CALN1: variants seen among roughly 807,000 people sequenced by gnomAD.
The protein encoded by CALN1 is calcium-binding protein 8.
CALN1 carries 17 observed loss-of-function variants against 30.6 expected under a neutral mutation model. The ratio of observed to expected loss-of-function variants is 0.56; its 90% CI spans 0.38 to 0.83. The LOEUF (loss-of-function observed/expected upper bound fraction) is 0.83. Ranked by LOEUF, CALN1 falls within the 40% of genes least tolerant of loss-of-function variation. The pLI is 0.00. For missense variants in CALN1, 291 were observed against 354.9 expected (o/e 0.82, Z 1.45); for synonymous variants, 156 against 131.4 (o/e 1.19, Z -1.28).
At chr7:71,980,103 C>G (rs575567976) in intron 5 of CALN1, among the ~76,000 whole-genome samples, 9 of 150,482 alleles carry the variant, frequency 6.0e-5, no homozygotes, top group Non-Finnish European at 8.9e-5. Flanking sequence ...GTCTCAAACT[C>G]TTGACCTCAG....
chr7:72,238,945 C>G (rs372357222), intron 3 of CALN1, among the ~76,000 whole-genome samples: 1 of 152,298 alleles, frequency 6.6e-6, no homozygotes, highest in Admixed American at 6.5e-5. Flanking sequence ...TCAGACATCC[C>G]CCACTAATGT....
chr7:71,871,229 A>T (rs926313756), intron 5 of CALN1, among the ~76,000 whole-genome samples: 1 of 152,182 alleles, frequency 6.6e-6, no homozygotes, highest in Non-Finnish European at 1.5e-5. Flanking sequence ...AACATAAATT[A>T]TACAGGATAC....
At chr7:72,502,261 C>T in the CALN1 span, among the ~76,000 whole-genome samples, 1 of 149,990 alleles carries the variant, frequency 6.7e-6, no homozygotes, top group Admixed American at 6.7e-5. Context: ...CATTTAAATA[C>T]AGTGACAATA....
chr7:72,231,115 C>CG (rs1432118473), intron 3 of CALN1, among the ~76,000 whole-genome samples: 2 of 151,900 alleles, frequency 1.3e-5, no homozygotes, highest in African/African-American at 4.8e-5. Flanking sequence ...TTGCAGTACA[C>CG]GCTTTTTTTT....
chr7:72,235,312 T>C (rs1366797551), intron 3 of CALN1, among the ~76,000 whole-genome samples: 1 of 151,492 alleles, frequency 6.6e-6, no homozygotes, highest in Non-Finnish European at 1.5e-5. Flanking sequence ...GAAAAATAAA[T>C]AATTTTCCAA....
At chr7:72,209,747 C>A (rs1792259646) in intron 3 of CALN1, among the ~76,000 whole-genome samples, 1 of 152,108 alleles carries the variant, frequency 6.6e-6, no homozygotes, top group Non-Finnish European at 1.5e-5. Flanking sequence ...CCAGCTGTCT[C>A]TATAGACTTG....
chr7:71,967,472 C>T (rs1034973961), intron 5 of CALN1, among the ~76,000 whole-genome samples: 1 of 151,402 alleles, frequency 6.6e-6, no homozygotes, highest in African/African-American at 2.4e-5. Context: ...TACTAAAAAT[C>T]AAACAAATTA....
At chr7:72,286,841 T>C (rs2129554597) in intron 2 of CALN1, among the ~76,000 whole-genome samples, 1 of 152,284 alleles carries the variant, frequency 6.6e-6, no homozygotes, top group Non-Finnish European at 1.5e-5. Flanking sequence ...TTGCCAATAA[T>C]GATATAATAC....
At chr7:72,212,107 CT>C in intron 3 of CALN1, among the ~76,000 whole-genome samples, 1 of 152,200 alleles carries the variant, frequency 6.6e-6, no homozygotes, top group South Asian at 2.1e-4. Context: ...AATCCCAGCA[CT>C]TTGGGAGGCC....
intron 4 of CALN1, among the ~76,000 whole-genome samples, chr7:72,034,628 A>G (rs1220389100): frequency 1.3e-5 from 2 of 151,634 alleles, no homozygotes; most frequent in African/African-American, 4.9e-5. Flanking sequence ...CCATCTACTA[A>G]AACACAAAAA....
the CALN1 span, among the ~76,000 whole-genome samples, chr7:72,494,570 C>T: frequency 6.6e-6 from 1 of 152,144 alleles, no homozygotes; most frequent in African/African-American, 2.4e-5. Context: ...ACACATGTCT[C>T]GGGTACCACA....
At chr7:72,007,712 C>CA (rs1415670907) in intron 5 of CALN1, among the ~76,000 whole-genome samples, 8 of 152,118 alleles carry the variant, frequency 5.3e-5, no homozygotes, top group Non-Finnish European at 1.2e-4. Context: ...GCGCTCTATG[C>CA]AAGAGACTTT....
chr7:72,123,831 ACT>A (rs1381533755), intron 3 of CALN1, among the ~76,000 whole-genome samples: 2 of 152,178 alleles, frequency 1.3e-5, no homozygotes, highest in East Asian at 1.9e-4. Flanking sequence ...AAAATTGCCG[ACT>A]CTCTCATTTT....
At chr7:72,282,981 G>T (rs762863134) in intron 2 of CALN1, among the ~76,000 whole-genome samples, 1 of 151,438 alleles carries the variant, frequency 6.6e-6, no homozygotes. Flanking sequence ...ACTTGAACCC[G>T]GGAGTGGACG....
intron 3 of CALN1, among the ~76,000 whole-genome samples, chr7:72,129,342 C>T (rs1436866841): frequency 6.6e-6 from 1 of 152,106 alleles, no homozygotes; most frequent in African/African-American, 2.4e-5. Flanking sequence ...TAAATGCATA[C>T]TTTAACTCAA....
rs1158876274 is a variant in CALN1, at chr7:71,834,566, G to A, written c.502-24074C>T. Among the ~76,000 whole-genome samples, 10 of 152,194 alleles carry A rather than the reference G, an allele frequency of 6.6e-5. No individual in the cohort carries two copies. In the East Asian group the frequency reaches 1.9e-3, roughly 29 times the overall value. On this transcript the variant is annotated intron_variant, in intron 5 of 6. Transcript: ENST00000395275. ...CTGAGATGTAAAAGTGTTCTGAGAT[G>A]GAAAAGTGAAACTAAGGGGGTTATT...
chr7:71,987,814 G>A (rs1157068661), intron 5 of CALN1, among the ~76,000 whole-genome samples: 1 of 152,144 alleles, frequency 6.6e-6, no homozygotes, highest in East Asian at 1.9e-4. Context: ...TGTCTCTAAG[G>A]ACAGGCTCTA....
intron 3 of CALN1, among the ~76,000 whole-genome samples, chr7:72,207,551 G>T (rs538826903): frequency 6.6e-6 from 1 of 152,026 alleles, no homozygotes; most frequent in Non-Finnish European, 1.5e-5. Flanking sequence ...GTGCAATCTC[G>T]GCTCACTGCA....
intron 2 of CALN1, among the ~76,000 whole-genome samples, chr7:72,367,849 A>G (rs181046307): frequency 2.0e-5 from 3 of 151,904 alleles, no homozygotes; most frequent in Non-Finnish European, 4.4e-5. Context: ...AAATATATAT[A>G]TAGGCCGGGT....
Sources: gnomAD v4.1 joint callset for allele counts (sites outside exome capture counted in the v4.1 genomes callset) on GRCh38, gnomAD v4.1.1 for gene constraint, MANE v1.5 for transcripts, NCBI Gene and HGNC (gene_info 2026-07-23, HGNC 2026-07-21) for gene names.